The following SIK3 variants were observed in gnomAD, a reference collection of about 807,000 sequenced individuals.
SIK3 encodes SIK family kinase 3.
Under a neutral mutation model 144.2 loss-of-function variants are expected in SIK3, and 28 were observed. The observed-to-expected ratio is 0.19, with a 90% CI of 0.14 to 0.27. The LOEUF (loss-of-function observed/expected upper bound fraction) is 0.27, where lower values mean the gene tolerates loss of function less well. Ranked by LOEUF, SIK3 falls within the 10% of genes least tolerant of loss-of-function variation. SIK3 has a pLI of 1.00. For missense variants in SIK3, 1,319 were observed against 1,776.0 expected (o/e 0.74, Z 4.62); for synonymous variants, 686 against 676.3 (o/e 1.01, Z -0.22).
At position 116,927,394 on chromosome 11, in the gene SIK3, GA is replaced by G; in HGVS notation, c.455-15del. The G allele has an allele frequency of 6.2e-7, 1 of 1,607,702 alleles. No individual in the cohort carries two copies. The highest frequency in any genetic ancestry group is 8.5e-7 in the Non-Finnish European group (1 of 1,176,906). On this transcript the variant is annotated splice_polypyrimidine_tract_variant and intron_variant, in intron 3 of 24. Coordinates refer to ENST00000445177, the MANE Select transcript of SIK3 (RefSeq NM_001366686.3). ...CCACCAGGTGGTCTGTGTTGAAGAA[GA>G]ATACAGTCAGTTTTCATTTTGGACA... is the stretch of plus-strand genomic sequence containing the variant.
intron 1 of SIK3, among the ~76,000 whole-genome samples, chr11:116,993,547 C>T (rs1325007131): frequency 6.6e-6 from 1 of 152,092 alleles, no homozygotes; most frequent in Non-Finnish European, 1.5e-5. Context: ...TCCCATCCTT[C>T]TAATATATTC....
chr11:116,873,848 A>G (rs1191027548), intron 12 of SIK3, 55 bp downstream of exon 12: 2 of 1,566,846 alleles, frequency 1.3e-6, no homozygotes, highest in Non-Finnish European at 1.7e-6. Context: ...ATAGCCTCTC[A>G]AAGGAAGCTC....
chr11:116,938,637 A>G (rs866053129), intron 3 of SIK3, among the ~76,000 whole-genome samples: 13 of 119,858 alleles, frequency 1.1e-4, no homozygotes, highest in African/African-American at 2.5e-4. Context: ...AGAGGAGAGG[A>G]GAGGAGAGGA....
At chr11:116,982,312 G>A (rs1565524282) in intron 1 of SIK3, among the ~76,000 whole-genome samples, 1 of 147,038 alleles carries the variant, frequency 6.8e-6, no homozygotes, top group Non-Finnish European at 1.5e-5. Flanking sequence ...TTTTTCAGAC[G>A]GAGTCTCACT....
At chr11:116,888,237 A>C (rs1191791112) in intron 6 of SIK3, among the ~76,000 whole-genome samples, 1 of 152,248 alleles carries the variant, frequency 6.6e-6, no homozygotes, top group African/African-American at 2.4e-5. Context: ...ACTCAGCTCA[A>C]GCCTATGACA....
intron 1 of SIK3, among the ~76,000 whole-genome samples, chr11:117,080,357 G>T (rs1307114029): frequency 6.6e-6 from 1 of 152,226 alleles, no homozygotes; most frequent in Non-Finnish European, 1.5e-5. Flanking sequence ...CTCATACTTT[G>T]ATCCAAGCAT....
At chr11:117,006,325 T>C (rs1470811512) in intron 1 of SIK3, among the ~76,000 whole-genome samples, 1 of 152,356 alleles carries the variant, frequency 6.6e-6, no homozygotes, top group East Asian at 1.9e-4. Context: ...AGATTCCATA[T>C]CTACCCAACA....
intron 1 of SIK3, among the ~76,000 whole-genome samples, chr11:117,040,296 C>T (rs12273545): frequency 0.072 from 10,960 of 152,212 alleles, 480 homozygotes; most frequent in Middle Eastern, 0.11. Flanking sequence ...AGTTACTCTA[C>T]TTCTTCACTA....
chr11:116,873,785 G>A, intron 12 of SIK3, 118 bp downstream of exon 12: 1 of 1,480,340 alleles, frequency 6.8e-7, no homozygotes, highest in Non-Finnish European at 9.1e-7. Flanking sequence ...TACTTTGCAA[G>A]ATAAATCATC....
At chr11:116,888,990 G>A (rs117920151) in intron 6 of SIK3, among the ~76,000 whole-genome samples, 1 of 152,190 alleles carries the variant, frequency 6.6e-6, no homozygotes, top group African/African-American at 2.4e-5. Flanking sequence ...GAGGTGATGG[G>A]GGTGGAGGAT....
chr11:116,970,807 G>A (rs1257884494), intron 1 of SIK3, among the ~76,000 whole-genome samples: 1 of 151,764 alleles, frequency 6.6e-6, no homozygotes, highest in Non-Finnish European at 1.5e-5. Flanking sequence ...GTACTACCAT[G>A]CCCAGCTAAA....
chr11:117,021,450 C>T (rs939799879), intron 1 of SIK3, among the ~76,000 whole-genome samples: 2 of 152,026 alleles, frequency 1.3e-5, no homozygotes, highest in Non-Finnish European at 2.9e-5. Flanking sequence ...GTCCGTAGCA[C>T]GCTGATGAGG....
At chr11:117,049,396 A>C (rs1201323093) in intron 1 of SIK3, among the ~76,000 whole-genome samples, 1 of 151,796 alleles carries the variant, frequency 6.6e-6, no homozygotes, top group Non-Finnish European at 1.5e-5. Flanking sequence ...TGGCCAACAC[A>C]GTGAAACACC....
chr11:116,973,161 C>T (rs1486373974), intron 1 of SIK3, among the ~76,000 whole-genome samples: 1 of 152,162 alleles, frequency 6.6e-6, no homozygotes, highest in African/African-American at 2.4e-5. Flanking sequence ...CTCAGCTAAG[C>T]CATGCCAGGA....
At chr11:117,076,754 G>A (rs1262246212) in intron 1 of SIK3, among the ~76,000 whole-genome samples, 4 of 151,954 alleles carry the variant, frequency 2.6e-5, no homozygotes, top group Non-Finnish European at 4.4e-5. Context: ...TATTGGCCAG[G>A]CTGGTCTTGA....
intron 1 of SIK3, among the ~76,000 whole-genome samples, chr11:116,978,132 T>G (rs1182728606): frequency 2.0e-5 from 3 of 151,872 alleles, no homozygotes; most frequent in African/African-American, 7.3e-5. Flanking sequence ...GCAGGAGAAT[T>G]GCTTGAACCG....
At chr11:116,951,949 A>G (rs1053466730) in intron 3 of SIK3, among the ~76,000 whole-genome samples, 2 of 109,372 alleles carry the variant, frequency 1.8e-5, no homozygotes, top group Non-Finnish European at 3.8e-5. Flanking sequence ...AGAATAAATA[A>G]ATAAATAAAT....
At chr11:116,977,797 T>C (rs756819193) in intron 1 of SIK3, among the ~76,000 whole-genome samples, 48 of 152,356 alleles carry the variant, frequency 3.2e-4, no homozygotes, top group Non-Finnish European at 5.9e-4. Context: ...TGAATTCTCC[T>C]AGTTTCATCT....
At chr11:116,931,086 A>G (rs1947579196) in intron 3 of SIK3, among the ~76,000 whole-genome samples, 2 of 152,260 alleles carry the variant, frequency 1.3e-5, no homozygotes, top group East Asian at 3.8e-4. Context: ...TCCCATGACC[A>G]TGACTTGGCA....
Sources: gnomAD v4.1 joint callset for allele counts (sites outside exome capture counted in the v4.1 genomes callset) on GRCh38, gnomAD v4.1.1 for gene constraint, MANE v1.5 for transcripts, NCBI Gene and HGNC (gene_info 2026-07-23, HGNC 2026-07-21) for gene names.